Variants in EDIL3 observed in about 807,000 individuals in gnomAD.
The protein encoded by EDIL3 is EGF-like repeat and discoidin I-like domain-containing protein 3.
A neutral mutation model predicts 67.4 loss-of-function variants in EDIL3; 37 were observed. That is an observed-to-expected ratio of 0.55 (90% CI 0.42 to 0.72). The LOEUF (loss-of-function observed/expected upper bound fraction) is 0.72, where lower values mean the gene tolerates loss of function less well. EDIL3 is among the 30% of genes least tolerant of loss of function. The probability of loss-of-function intolerance (pLI) is 0.00; values close to 1 mark genes in which losing one functional copy is unlikely to be tolerated. For synonymous variants in EDIL3, 195 were observed against 196.3 expected (o/e 0.99, Z 0.05); for missense variants, 527 against 586.3 (o/e 0.90, Z 1.04).
intron 9 of EDIL3, among the ~76,000 whole-genome samples, chr5:84,045,155 C>T (rs1277487140): frequency 6.6e-6 from 1 of 152,036 alleles, no homozygotes; most frequent in Non-Finnish European, 1.5e-5. Flanking sequence ...TTATTCATTA[C>T]CATGAGAGAG....
intron 9 of EDIL3, among the ~76,000 whole-genome samples, chr5:84,000,996 A>C (rs1745321074): frequency 6.6e-6 from 1 of 152,076 alleles, no homozygotes; most frequent in African/African-American, 2.4e-5. Flanking sequence ...TACTAAGAGG[A>C]AAGTTTATAG....
chr5:84,265,179 T>C (rs1580042961), intron 1 of EDIL3, among the ~76,000 whole-genome samples: 1 of 152,248 alleles, frequency 6.6e-6, no homozygotes, highest in East Asian at 1.9e-4. Flanking sequence ...AATTATATCT[T>C]GTTTAAAAAG....
chr5:84,315,007 TC>T (rs1746482675), intron 1 of EDIL3, among the ~76,000 whole-genome samples: 1 of 152,194 alleles, frequency 6.6e-6, no homozygotes, highest in African/African-American at 2.4e-5. Context: ...TGAATGCTTT[TC>T]TTTTGCAATT....
chr5:84,199,612 CTTTGTTTCT>C (rs1561218103), intron 3 of EDIL3, among the ~76,000 whole-genome samples: 2 of 152,136 alleles, frequency 1.3e-5, no homozygotes, highest in East Asian at 3.9e-4. Context: ...AGGGGTTTAA[CTTTGTTTCT>C]TTTACCCTGG....
intron 6 of EDIL3, among the ~76,000 whole-genome samples, chr5:84,076,010 A>C (rs1366189006): frequency 6.7e-6 from 1 of 149,986 alleles, no homozygotes; most frequent in Non-Finnish European, 1.5e-5. Context: ...CAAATTAAAA[A>C]TATATTAATT....
intron 9 of EDIL3, among the ~76,000 whole-genome samples, chr5:83,976,230 C>G (rs1744874619): frequency 6.6e-6 from 1 of 151,764 alleles, no homozygotes; most frequent in Non-Finnish European, 1.5e-5. Flanking sequence ...AAGTAACAGA[C>G]AATGACATAA....
chr5:84,023,744 C>G (rs1561406516), intron 9 of EDIL3, among the ~76,000 whole-genome samples: 1 of 151,930 alleles, frequency 6.6e-6, no homozygotes, highest in Non-Finnish European at 1.5e-5. Flanking sequence ...TCCCATTAGT[C>G]TTATTAGACT....
At chr5:84,153,428 G>C (rs1748433657) in intron 4 of EDIL3, among the ~76,000 whole-genome samples, 1 of 151,798 alleles carries the variant, frequency 6.6e-6, no homozygotes, top group African/African-American at 2.4e-5. Context: ...TGAGTAGCTG[G>C]GACTACAGGC....
chr5:84,284,005 C>T (rs1745760201), intron 1 of EDIL3, among the ~76,000 whole-genome samples: 1 of 152,046 alleles, frequency 6.6e-6, no homozygotes, highest in African/African-American at 2.4e-5. Context: ...CCTCCTAAAA[C>T]ATCCTGGTAC....
intron 1 of EDIL3, among the ~76,000 whole-genome samples, chr5:84,260,269 C>A (rs1211283401): frequency 2.6e-5 from 4 of 152,150 alleles, no homozygotes; most frequent in African/African-American, 9.7e-5. Flanking sequence ...ACAAGAGCTG[C>A]AAACTGAAGA....
intron 4 of EDIL3, among the ~76,000 whole-genome samples, chr5:84,167,735 A>G (rs1378783104): frequency 6.6e-6 from 1 of 152,144 alleles, no homozygotes. Context: ...CTATTCTAAA[A>G]CCAAGGAAAC....
intron 1 of EDIL3, among the ~76,000 whole-genome samples, chr5:84,376,745 A>C (rs1284239171): frequency 5.3e-5 from 8 of 152,218 alleles, no homozygotes. Context: ...GGGTAGCTAC[A>C]TTCAATTCAG....
intron 3 of EDIL3, among the ~76,000 whole-genome samples, chr5:84,224,508 T>C (rs565178491): frequency 1.3e-4 from 19 of 151,610 alleles, no homozygotes; most frequent in Admixed American, 2.6e-4. Context: ...GAAGTATCTA[T>C]TATGAAACTT....
intron 9 of EDIL3, among the ~76,000 whole-genome samples, chr5:84,057,409 G>T (rs1209459471): frequency 7.3e-6 from 1 of 137,706 alleles, no homozygotes; most frequent in Non-Finnish European, 1.6e-5. Flanking sequence ...GTGTAAAATA[G>T]TTTGCCTTAT....
Position 84,064,899 on chromosome 5 carries a change from A to G in EDIL3, c.808-55T>C, listed in dbSNP as rs1746608748. ...TGCAACAGCTTATTTACCTATTTTT[A>G]CATATTTACCCTATCTATACCTTAT... is the stretch of plus-strand genomic sequence containing the variant. On this transcript the variant is annotated intron_variant, in intron 7 of 10. Transcript: ENST00000296591. 9 of 1,563,252 alleles carry G rather than the reference A, an allele frequency of 5.8e-6. No individual in the cohort carries two copies. The South Asian group carries it at 1.1e-4, about 19-fold the overall frequency.
intron 9 of EDIL3, among the ~76,000 whole-genome samples, chr5:84,008,617 AAAG>A (rs916063991): frequency 5.3e-5 from 8 of 152,206 alleles, no homozygotes; most frequent in Non-Finnish European, 1.0e-4. Context: ...ATATATTATT[AAAG>A]AAGAAGTAAT....
chr5:83,941,043 T>C lies in EDIL3; in HGVS notation c.*2376A>G, dbSNP rs926835996. The stretch of plus-strand genomic sequence containing the variant: ...GTGATTCTTACATGTATTCTACTTA[T>C]GGTACTGTACTGGTTTTAGTGTGAA... On this transcript the variant is annotated 3_prime_UTR_variant, in exon 11 of 11. Coordinates refer to ENST00000296591, the MANE Select transcript of EDIL3 (RefSeq NM_005711.5). 2.0e-5 allele frequency: 3 copies of C among 152,052 alleles called. No individual in the cohort carries two copies. The highest frequency in any genetic ancestry group is 7.2e-5 in the African/African-American group (3 of 41,458). The allele number at this position is 152,052 out of a possible 1,614,324, so 9.4% of individuals were successfully genotyped here.
At chr5:84,360,846 T>C (rs1747583378) in intron 1 of EDIL3, among the ~76,000 whole-genome samples, 1 of 152,156 alleles carries the variant, frequency 6.6e-6, no homozygotes, top group Non-Finnish European at 1.5e-5. Context: ...AGAATGCAAA[T>C]ATCATTTCCA....
intron 6 of EDIL3, among the ~76,000 whole-genome samples, chr5:84,071,799 A>C (rs751379582): frequency 1.1e-4 from 17 of 152,208 alleles, no homozygotes; most frequent in Non-Finnish European, 2.2e-4. Context: ...ATCAACATAT[A>C]ACTATTCTAC....
Sources: allele counts gnomAD v4.1 joint callset (sites outside exome capture counted in the v4.1 genomes callset), GRCh38; gene constraint gnomAD v4.1.1; transcripts MANE v1.5; gene names NCBI Gene and HGNC (gene_info 2026-07-23, HGNC 2026-07-21).